The following SMARCA5 variants were observed in gnomAD, a reference collection of about 807,000 sequenced individuals.
SMARCA5 encodes the protein SNF2 related chromatin remodeling ATPase 5.
Under a neutral mutation model 140.4 loss-of-function variants are expected in SMARCA5, and 18 were observed. The observed-to-expected ratio is 0.13, with a 90% confidence interval of 0.09 to 0.19. The LOEUF (loss-of-function observed/expected upper bound fraction) is 0.19, where lower values mean the gene tolerates loss of function less well. SMARCA5 is among the 10% of genes least tolerant of loss of function. The pLI, the probability that SMARCA5 is intolerant of heterozygous loss-of-function variation, is 1.00. For synonymous variants in SMARCA5, 449 were observed against 419.6 expected, an observed-to-expected ratio of 1.07 and a Z score of -0.86; for missense variants, 606 against 1,276.8, an observed-to-expected ratio of 0.47 and a Z score of 8.01.
chr4:143,526,515 C>A, intron 6 of SMARCA5, 55 bp downstream of exon 6: 2 of 1,201,762 alleles, frequency 1.7e-6, no homozygotes, highest in Non-Finnish European at 2.4e-6. Context: ...TGAATTCAGG[C>A]TTGGGTATGG....
chr4:143,532,720 T>A (rs752261863), intron 9 of SMARCA5, among the ~76,000 whole-genome samples: 45 of 147,150 alleles, frequency 3.1e-4, no homozygotes, highest in Admixed American at 8.8e-4. Context: ...TAGGGGTTAC[T>A]AAGACCCCCT....
rs1737692745 is a variant in SMARCA5 at position 143,553,760 on chromosome 4, T to A, written c.*576T>A. 2 of 152,168 alleles carry A rather than the reference T, an allele frequency of 1.3e-5. No homozygotes were observed. Among genetic ancestry groups the A allele is most frequent in the African/African-American group, 4.8e-5 (2 of 41,452 alleles). 9.4% of individuals were successfully genotyped at this position (152,168 alleles called of 1,614,324 possible). A position where few individuals can be genotyped will look rare whatever the true frequency, so the allele number is the denominator to read the frequency against. On this transcript the variant is annotated 3_prime_UTR_variant, in exon 24 of 24. Transcript: ENST00000283131. ...TTTCTGTTATGCTTTCTGTTTTTTT[T>A]AGTTGATTCTGAAATGAATATGCCC...
rs750636423 is a variant in SMARCA5 at position 143,538,800 on chromosome 4, A to C, written c.1632A>C (p.Ala544=). The stretch of plus-strand genomic sequence containing the variant: ...TTTATCCATAGGACTCCATCAATGC[A>C]TACAATGAACCAAACAGCACAAAGT... The part of the protein sequence containing the change: ...PHDERQDSIN[A]YNEPNSTKFV... The change falls in exon 13 of 24, where the codon GCA becomes GCC. Residue 544 remains alanine (A), a synonymous_variant. Transcript: ENST00000283131. 5.0e-6 allele frequency: 8 copies of C among 1,614,052 alleles called. No individual in the cohort carries two copies. The South Asian group carries it at 7.7e-5, about 16-fold the overall frequency.
chr4:143,532,575 T>G (rs1302675656), intron 9 of SMARCA5, among the ~76,000 whole-genome samples: 1 of 152,210 alleles, frequency 6.6e-6, no homozygotes, highest in African/African-American at 2.4e-5. Flanking sequence ...TGTGGTCTTA[T>G]AATGAAAGGA....
At chr4:143,552,970 T>G in intron 23 of SMARCA5, 149 bp from the exon 24 acceptor site, 3 of 572,216 alleles carry the variant, frequency 5.2e-6, no homozygotes. Flanking sequence ...CTTTATAGTT[T>G]GCTTTGAAAG....
At chr4:143,519,022 C>T (rs1736899904) in intron 2 of SMARCA5, among the ~76,000 whole-genome samples, 1 of 151,886 alleles carries the variant, frequency 6.6e-6, no homozygotes, top group Non-Finnish European at 1.5e-5. Context: ...CTTTTTTATT[C>T]CTTTGTCCTT....
Position 143,553,441 on chromosome 4 carries a change from C to G in SMARCA5, c.*257C>G. On this transcript the variant is annotated 3_prime_UTR_variant, in exon 24 of 24. Coordinates refer to ENST00000283131, the MANE Select transcript of SMARCA5 (RefSeq NM_003601.4). ...TAAGTGTTTCATTTGATTTATTTTTCTATTGTAGTTCCATTTGTGAAGATT... is the reference window on the plus strand; with the variant it reads ...TAAGTGTTTCATTTGATTTATTTTTGTATTGTAGTTCCATTTGTGAAGATT... The G allele has an allele frequency of 2.9e-6, 1 of 339,944 alleles. No individual in the cohort carries two copies. Among genetic ancestry groups the G allele is most frequent in the Non-Finnish European group, 5.4e-6 (1 of 186,064 alleles). The allele number at this position is 339,944 out of a possible 1,614,324, so 21.1% of individuals were successfully genotyped here. A position where few individuals can be genotyped will look rare whatever the true frequency, so the allele number is the denominator to read the frequency against.
chr4:143,520,166 C>T (rs1422646825), intron 2 of SMARCA5, among the ~76,000 whole-genome samples: 3 of 152,092 alleles, frequency 2.0e-5, no homozygotes, highest in Non-Finnish European at 4.4e-5. Context: ...TATCTTGATT[C>T]CAAACATAAT....
chr4:143,520,217 G>T (rs1346272627), intron 2 of SMARCA5, among the ~76,000 whole-genome samples: 2 of 152,016 alleles, frequency 1.3e-5, no homozygotes, highest in Non-Finnish European at 2.9e-5. Flanking sequence ...TTGTAGATGC[G>T]TGCTCTTGGC....
intron 22 of SMARCA5, among the ~76,000 whole-genome samples, chr4:143,549,503 G>A (rs1737599804): frequency 6.6e-6 from 1 of 152,076 alleles, no homozygotes; most frequent in African/African-American, 2.4e-5. Context: ...ACTCATCGTA[G>A]ACTTCCATGG....
At position 143,528,831 on chromosome 4, in the gene SMARCA5, G is replaced by A. The variant is rs1737125062; in HGVS notation, c.1089+117G>A. On this transcript the variant is annotated intron_variant, in intron 8 of 23. Transcript: ENST00000283131. ...CTTGAGGTTATTATTAATTTTTTAT[G>A]CTTTTATTTACATAGTTAGCCTGGT... The A allele has an allele frequency of 1.4e-5, 12 of 839,322 alleles. No homozygotes were observed. The South Asian group carries it at 2.5e-4, about 17-fold the overall frequency. 52.0% of individuals were successfully genotyped at this position (839,322 alleles called of 1,614,324 possible).
intron 5 of SMARCA5, among the ~76,000 whole-genome samples, chr4:143,525,890 A>G (rs1737057346): frequency 6.6e-6 from 1 of 152,210 alleles, no homozygotes; most frequent in African/African-American, 2.4e-5. Flanking sequence ...TAGCTTGTAC[A>G]ATTCTTAGAA....
At chr4:143,544,936 A>ATTTT (rs1350378636) in intron 17 of SMARCA5, 89 bp downstream of exon 17, 1 of 593,860 alleles carries the variant, frequency 1.7e-6, no homozygotes, top group African/African-American at 2.1e-5. Flanking sequence ...TGATAATTAG[A>ATTTT]TTTTGTGTTT....
At chr4:143,547,011 T>C in intron 20 of SMARCA5, 103 bp downstream of exon 20, 1 of 985,330 alleles carries the variant, frequency 1.0e-6, no homozygotes, top group Admixed American at 2.6e-5. Context: ...TGTCACAGTG[T>C]AGTTAGTACC....
At chr4:143,552,927 T>C (rs1040030381) in intron 23 of SMARCA5, among the ~76,000 whole-genome samples, 192 bp from the exon 24 acceptor site, 1 of 105,142 alleles carries the variant, frequency 9.5e-6, no homozygotes, top group Non-Finnish European at 2.2e-5. Context: ...TTTTATTCTG[T>C]AAGTAAAATA....
chr4:143,549,635 A>G (rs887555352), intron 22 of SMARCA5, among the ~76,000 whole-genome samples: 5 of 152,070 alleles, frequency 3.3e-5, no homozygotes, highest in Admixed American at 3.3e-4. Flanking sequence ...ACCCTCACAT[A>G]TGTGCACTAT....
chr4:143,515,374 T>C (rs1312132446), intron 1 of SMARCA5, among the ~76,000 whole-genome samples: 5 of 152,170 alleles, frequency 3.3e-5, no homozygotes, highest in African/African-American at 1.2e-4. Context: ...AATTAAAATA[T>C]ATTCAGTGTT....
intron 2 of SMARCA5, among the ~76,000 whole-genome samples, 177 bp from the exon 3 acceptor site, chr4:143,521,250 CTT>C (rs1335129596): frequency 6.6e-6 from 1 of 151,616 alleles, no homozygotes. Flanking sequence ...AGCATGTAGT[CTT>C]TTGTGTTTGG....
intron 3 of SMARCA5, among the ~76,000 whole-genome samples, chr4:143,521,934 C>T (rs1184159280): frequency 1.4e-5 from 2 of 143,404 alleles, no homozygotes; most frequent in Non-Finnish European, 3.0e-5. Flanking sequence ...AACTGCATAA[C>T]GCCTTATTTT....
Sources: gnomAD v4.1 joint callset for allele counts (sites outside exome capture counted in the v4.1 genomes callset) on GRCh38, gnomAD v4.1.1 for gene constraint, MANE v1.5 for transcripts, NCBI Gene and HGNC (gene_info 2026-07-23, HGNC 2026-07-21) for gene names.